The following ATXN2L variants were observed in gnomAD, a reference collection of about 807,000 sequenced individuals.
ATXN2L encodes ataxin 2 like.
Under a neutral mutation model 120.7 loss-of-function variants are expected in ATXN2L, and 24 were observed. The observed-to-expected ratio is 0.20, with a 90% CI of 0.14 to 0.28. The LOEUF is 0.28. ATXN2L is among the 10% of genes least tolerant of loss of function. ATXN2L has a pLI of 1.00. For missense variants in ATXN2L, 1,312 were observed against 1,432.3 expected (o/e 0.92, Z 1.36); for synonymous variants, 653 against 568.1 (o/e 1.15, Z -2.13).
chr16:28,824,461 G>T, intron 1 of ATXN2L: 1 of 1,287,700 alleles, frequency 7.8e-7, no homozygotes, highest in Admixed American at 2.3e-5. Context: ...AGCCCCGCCA[G>T]CGGCCCCCTC....
rs749635435 is a variant in ATXN2L at position 28,830,610 on chromosome 16, C to T, written c.1035-5C>T. 3.2e-6 allele frequency: 5 copies of T among 1,557,830 alleles called. No homozygotes were observed. Among genetic ancestry groups the T allele is most frequent in the Non-Finnish European group, 2.6e-6 (3 of 1,152,196 alleles). On this transcript the variant is annotated splice_polypyrimidine_tract_variant and splice_region_variant and intron_variant, in intron 8 of 21. Coordinates refer to ENST00000336783, the MANE Select transcript of ATXN2L (RefSeq NM_007245.4). ...TACCTGGCCTTATTTGAACTCTTTC[C>T]TCAGGGAGGGGAAGTATATCCCTCT... is the stretch of plus-strand genomic sequence containing the variant.
chr16:28,835,771 C>T lies in ATXN2L; in HGVS notation c.2895+13C>T, dbSNP rs757480311. ...CCATGTTACCCAGGTAAGAGCCCAGCTGTCCCACTTCTGGGTCTGTTTGCC... is the reference window on the plus strand; with the variant it reads ...CCATGTTACCCAGGTAAGAGCCCAGTTGTCCCACTTCTGGGTCTGTTTGCC... On this transcript the variant is annotated intron_variant, in intron 21 of 21. Transcript: ENST00000336783. 1 of 1,613,880 alleles carries T rather than the reference C, an allele frequency of 6.2e-7. No homozygotes were observed. Among genetic ancestry groups the T allele is most frequent in the South Asian group, 1.1e-5 (1 of 91,084 alleles).
rs986299661 is a variant in ATXN2L at position 28,833,294 on chromosome 16, C to T, written c.1895C>T (p.Thr632Ile). The T allele has an allele frequency of 4.3e-6, 7 of 1,614,042 alleles. No homozygotes were observed. The African/African-American group carries it at 9.3e-5, about 22-fold the overall frequency. Residue 632 changes from threonine to isoleucine, a missense_variant, in exon 14 of 22, where the codon ACT becomes ATT. Coordinates refer to ENST00000336783, the MANE Select transcript of ATXN2L (RefSeq NM_007245.4). ...EQPPPPCPSQ[T>I]GSPPVGLIKG... ...CCCCCACCACCTTGTCCAAGCCAAA[C>T]TGGCAGCCCCCCGGTGGGCCTCATC...
Position 28,833,184 on chromosome 16 carries a change from C to G in ATXN2L, c.1785C>G (p.Pro595=). The change falls in exon 14 of 22, where the codon CCC becomes CCG. Residue 595 remains proline, a synonymous_variant. Transcript: ENST00000336783. The part of the protein sequence containing the change: ...GLLTSEPMGS[P]VSSKTESVSD... The stretch of plus-strand genomic sequence containing the variant: ...TGACTTCAGAGCCCATGGGGTCTCC[C>G]GTCTCCTCCAAGACAGAGTCCGTAT... 6.2e-7 allele frequency: 1 copy of G among 1,614,180 alleles called. No homozygotes were observed.
chr16:28,824,683 G>A (rs532044157), intron 1 of ATXN2L: 2 of 900,668 alleles, frequency 2.2e-6, no homozygotes, highest in African/African-American at 3.5e-5. Flanking sequence ...GAGCTAGGTA[G>A]TTCCAAAGCT....
At position 28,830,002 on chromosome 16, in the gene ATXN2L, G is replaced by A; in HGVS notation, c.978G>A (p.Lys326=). ...ACGATGGGCGCACTGAAGAGGAGAA[G>A]CACAGTGCAGTCCAGCGGCAGGGCT... ...ENDDGRTEEE[K]HSAVQRQGSG... Residue 326 remains lysine, a synonymous_variant, in exon 8 of 22, where the codon AAG becomes AAA. Coordinates refer to ENST00000336783, the MANE Select transcript of ATXN2L (RefSeq NM_007245.4). The A allele has an allele frequency of 6.2e-7, 1 of 1,614,226 alleles. No homozygotes were observed. Among genetic ancestry groups the A allele is most frequent in the East Asian group, 2.2e-5 (1 of 44,874 alleles).
rs1324714387 is a variant in ATXN2L at position 28,826,226 on chromosome 16, T to C, written c.466-14T>C. ...GAAACTGACCCATGGGTGTGGGGAATGGGGTGTTTGTAGTTTGAACTAGCC... is the reference window on the plus strand; with the variant it reads ...GAAACTGACCCATGGGTGTGGGGAACGGGGTGTTTGTAGTTTGAACTAGCC... On this transcript the variant is annotated splice_polypyrimidine_tract_variant and intron_variant, in intron 4 of 21. Coordinates refer to ENST00000336783, the MANE Select transcript of ATXN2L (RefSeq NM_007245.4). The C allele has an allele frequency of 3.7e-6, 6 of 1,613,420 alleles. No homozygotes were observed. The South Asian group carries it at 5.5e-5, about 15-fold the overall frequency.
At position 28,836,275 on chromosome 16, in the gene ATXN2L, G is replaced by T. The variant is rs777302172; in HGVS notation, c.*10G>T. On this transcript the variant is annotated 3_prime_UTR_variant, in exon 22 of 22. Transcript: ENST00000336783. The stretch of plus-strand genomic sequence containing the variant: ...TCTGGGTGGGGAGTGAGGGGTCTTG[G>T]AGGCAGGGCTGTCCCACAGGGCGCC... 6.2e-7 allele frequency: 1 copy of T among 1,610,360 alleles called. No individual in the cohort carries two copies. Among genetic ancestry groups the T allele is most frequent in the African/African-American group, 1.3e-5 (1 of 74,828 alleles).
intron 6 of ATXN2L, among the ~76,000 whole-genome samples, chr16:28,827,791 C>A (rs953786920): frequency 1.3e-5 from 2 of 152,214 alleles, no homozygotes; most frequent in Non-Finnish European, 2.9e-5. Flanking sequence ...GGTCCCACAC[C>A]TGTAGTCCCA....
Position 28,825,699 on chromosome 16 carries a change from C to T in ATXN2L, c.393+19C>T. 2 of 1,614,014 alleles carry T rather than the reference C, an allele frequency of 1.2e-6. No individual in the cohort carries two copies. The highest frequency in any genetic ancestry group is 1.3e-5 in the African/African-American group (1 of 75,028). ...TGTTGTGGTAAGTTGGTACTTAACC[C>T]CCGGGTTGTTTAAGGAACGTAATGC... is the stretch of plus-strand genomic sequence containing the variant. On this transcript the variant is annotated intron_variant, in intron 3 of 21. Coordinates refer to ENST00000336783, the MANE Select transcript of ATXN2L (RefSeq NM_007245.4).
At chr16:28,825,322 G>C in intron 1 of ATXN2L, 44 bp from the exon 2 acceptor site, 2 of 1,589,590 alleles carry the variant, frequency 1.3e-6, no homozygotes, top group Non-Finnish European at 1.7e-6. Context: ...AGTGGTCTAA[G>C]AGGGCTTGAA....
At position 28,827,740 on chromosome 16, in the gene ATXN2L, AAAAT is replaced by A. The variant is rs562377728; in HGVS notation, c.741+762_741+765del. ...TGAGCGACAGTGAGGATGTCTCAAA[AAAAT>A]AAATAAAAACCGCTCATGAATAGAG... On this transcript the variant is annotated intron_variant, in intron 6 of 21. Transcript: ENST00000336783. 6.7e-3 allele frequency among the ~76,000 whole-genome samples: 1,024 copies of A among 152,252 alleles called. 5 individuals are homozygous for A. Among genetic ancestry groups the A allele is most frequent in the Non-Finnish European group, 9.3e-3 (630 of 68,008 alleles).
chr16:28,835,802 C>A lies in ATXN2L; in HGVS notation c.2895+44C>A, dbSNP rs200100025. The A allele has an allele frequency of 5.6e-5, 91 of 1,611,088 alleles. 1 individual carries two copies. In the African/African-American group the frequency reaches 9.6e-4, roughly 17 times the overall value. On this transcript the variant is annotated intron_variant, in intron 21 of 21. Coordinates refer to ENST00000336783, the MANE Select transcript of ATXN2L (RefSeq NM_007245.4). ...CACTTCTGGGTCTGTTTGCCAGGGC[C>A]CGTCTGCCATGGGGACCATCCCATT...
chr16:28,827,418 C>T (rs1444379552), intron 6 of ATXN2L, among the ~76,000 whole-genome samples: 2 of 151,600 alleles, frequency 1.3e-5, no homozygotes, highest in Admixed American at 6.6e-5. Flanking sequence ...CTGGGTGGAC[C>T]GTGTCACACG....
rs774343482 is a variant in ATXN2L, at chr16:28,823,391, C to A, written c.132C>A (p.Thr44=). The part of the protein sequence containing the change: ...PNGGLPGPLA[T]SAAPPGPPAA... ...GCGGCCTCCCGGGGCCGCTGGCCAC[C>A]TCTGCGGCTCCTCCCGGGCCTCCAG... The change falls in exon 1 of 22, where the codon ACC becomes ACA. Residue 44 remains threonine (T), a synonymous_variant. Coordinates refer to ENST00000336783, the MANE Select transcript of ATXN2L (RefSeq NM_007245.4). The A allele has an allele frequency of 1.5e-6, 2 of 1,335,698 alleles. No homozygotes were observed. The highest frequency in any genetic ancestry group is 3.3e-5 in the Admixed American group (1 of 30,264). 82.7% of individuals were successfully genotyped at this position (1,335,698 alleles called of 1,614,324 possible).
chr16:28,837,143 T>G lies in ATXN2L; in HGVS notation c.*878T>G. ...GTGACCTGTGTGAGAGACAGACAGA[T>G]GCCCCACGAGGATGGCTGGACAAGG... On this transcript the variant is annotated 3_prime_UTR_variant, in exon 22 of 22. Coordinates refer to ENST00000336783, the MANE Select transcript of ATXN2L (RefSeq NM_007245.4). 12 of 341,678 alleles carry G rather than the reference T, an allele frequency of 3.5e-5. No individual in the cohort carries two copies. The highest frequency in any genetic ancestry group is 4.5e-5 in the Non-Finnish European group (8 of 179,078). The allele number at this position is 341,678 out of a possible 1,614,324, so 21.2% of individuals were successfully genotyped here.
At chr16:28,823,644 C>T in intron 1 of ATXN2L, 86 bp downstream of exon 1, 1 of 1,205,634 alleles carries the variant, frequency 8.3e-7, no homozygotes, top group Non-Finnish European at 1.0e-6. Context: ...CGACCCGGCA[C>T]CGTCAGGGGC....
At chr16:28,827,993 T>TA (rs2052824543) in intron 6 of ATXN2L, among the ~76,000 whole-genome samples, 1 of 152,226 alleles carries the variant, frequency 6.6e-6, no homozygotes, top group Admixed American at 6.5e-5. Context: ...TCTTGCCTTT[T>TA]CGAACTTCTC....
intron 8 of ATXN2L, 69 bp from the exon 9 acceptor site, chr16:28,830,546 A>C: frequency 7.0e-7 from 1 of 1,436,892 alleles, no homozygotes; most frequent in Non-Finnish European, 9.4e-7. Context: ...CTTTAGAAGA[A>C]GAAATGGCTT....
Sources: gnomAD v4.1 joint callset for allele counts (sites outside exome capture counted in the v4.1 genomes callset) on GRCh38, gnomAD v4.1.1 for gene constraint, MANE v1.5 for transcripts, NCBI Gene and HGNC (gene_info 2026-07-23, HGNC 2026-07-21) for gene names.